Variants in ENO3 observed in about 807,000 individuals in gnomAD.
ENO3 encodes enolase 3, also known as beta-enolase.
In ENO3, 46 loss-of-function variants were observed where a neutral mutation model predicts 47.7. The ratio of observed to expected loss-of-function variants is 0.96; its 90% CI spans 0.76 to 1.23. The LOEUF (loss-of-function observed/expected upper bound fraction) is 1.23. Among genes scored for constraint, ENO3 ranks in the 50% most tolerant of loss-of-function variants. The pLI is 0.00. For missense variants in ENO3, 575 were observed against 566.2 expected (o/e 1.02, Z -0.16); for synonymous variants, 223 against 225.9 (o/e 0.99, Z 0.11).
At chr17:4,955,791 C>G in intron 8 of ENO3, 151 bp from the exon 9 acceptor site, 1 of 1,235,988 alleles carries the variant, frequency 8.1e-7, no homozygotes, top group South Asian at 1.2e-5. Context: ...AGCCGTGTCT[C>G]TGCCCTGTCT....
rs747956058 is a variant in ENO3 at position 4,953,346 on chromosome 17, G to A, written c.310+5G>A. On this transcript the variant is annotated splice_donor_5th_base_variant and intron_variant, in intron 5 of 11. Coordinates refer to ENST00000519602, the MANE Select transcript of ENO3 (RefSeq NM_053013.4). ...TAGATGGGACCGAGAATAAGTGTGA[G>A]TGAAGGGCTAGCGGTGGGGAAGGGA... 19 of 1,614,130 alleles carry A rather than the reference G, an allele frequency of 1.2e-5. No individual in the cohort carries two copies. The highest frequency in any genetic ancestry group is 5.0e-5 in the Admixed American group (3 of 60,012).
At position 4,952,208 on chromosome 17, in the gene ENO3, G is replaced by A. The variant is rs1396653191; in HGVS notation, c.85+294G>A. On this transcript the variant is annotated intron_variant, in intron 2 of 11. Transcript: ENST00000519602. ...TTGTTTTGTTTTGAGATGGAGTCTC[G>A]CTCTGTGGCCCGGGCTGGAGTGCAG... The A allele has an allele frequency of 1.5e-5, 7 of 462,820 alleles. 1 individual carries two copies. Among genetic ancestry groups the A allele is most frequent in the South Asian group, 5.3e-5 (3 of 56,216 alleles). The allele number at this position is 462,820 out of a possible 1,614,324, so 28.7% of individuals were successfully genotyped here.
intron 9 of ENO3, 100 bp downstream of exon 9, chr17:4,956,243 C>A: frequency 1.4e-6 from 2 of 1,386,366 alleles, no homozygotes; most frequent in Non-Finnish European, 2.0e-6. Flanking sequence ...GCTTACCTTT[C>A]CCCTGGCACC....
upstream of ENO3, among the ~76,000 whole-genome samples, chr17:4,949,745 G>C (rs1375741776): frequency 6.6e-6 from 1 of 152,162 alleles, no homozygotes; most frequent in Non-Finnish European, 1.5e-5. Flanking sequence ...GGCGGAAAGG[G>C]GGTTGGTTTT....
rs778229574 is a variant in ENO3, at chr17:4,955,180, A to G, written c.550A>G (p.Ile184Val). 17 of 1,614,080 alleles carry G rather than the reference A, an allele frequency of 1.1e-5. No individual in the cohort carries two copies. The Admixed American group carries it at 2.5e-4, about 24-fold the overall frequency. Reference sequence around the variant, plus strand: ...CAGCTCCTTCAAGGAAGCCATGCGCATTGGCGCCGAGGTCTACCACCACCT... The same window carrying G: ...CAGCTCCTTCAAGGAAGCCATGCGCGTTGGCGCCGAGGTCTACCACCACCT... Reference protein sequence around the residue: ...GASSFKEAMRIGAEVYHHLKG... With the variant: ...GASSFKEAMRVGAEVYHHLKG... Residue 184 changes from isoleucine to valine, a missense_variant, in exon 7 of 12, where the codon ATT becomes GTT. Ile to Val is a conservative substitution (Grantham distance 29). Transcript: ENST00000519602.
intron 9 of ENO3, chr17:4,956,352 C>T (rs920500931): frequency 3.0e-5 from 22 of 730,550 alleles, no homozygotes; most frequent in Admixed American, 8.8e-5. Flanking sequence ...CCCCCACCCC[C>T]AGCCCACACC....
Position 4,955,213 on chromosome 17 carries a change from GTCA to G in ENO3, c.587_589del (p.Ile196del), listed in dbSNP as rs768174180. The G allele has an allele frequency of 1.5e-5, 24 of 1,614,166 alleles. No homozygotes were observed. The highest frequency in any genetic ancestry group is 2.2e-5 in the East Asian group (1 of 44,902). On this transcript the variant is annotated inframe_deletion, in exon 7 of 12. Coordinates refer to ENST00000519602, the MANE Select transcript of ENO3 (RefSeq NM_053013.4). ...CGAGGTCTACCACCACCTCAAGGGG[GTCA>G]TCAAGGCCAAGTATGGGAAGGATGC...
chr17:4,955,784 C>T (rs1210118069), intron 8 of ENO3, 158 bp from the exon 9 acceptor site: 24 of 1,261,098 alleles, frequency 1.9e-5, no homozygotes, highest in South Asian at 3.6e-5. Context: ...GACCTCTAGC[C>T]GTGTCTCTGC....
rs116784739 is a variant in ENO3, at chr17:4,954,558, A to G, written c.445-517A>G. ...GCACATGCTAAGAACTTTACATTCA[A>G]TTTCTCTAATTTTCAGCAAAAGATC... On this transcript the variant is annotated intron_variant, in intron 6 of 11. Coordinates refer to ENST00000519602, the MANE Select transcript of ENO3 (RefSeq NM_053013.4). 3.5e-3 allele frequency among the ~76,000 whole-genome samples: 532 copies of G among 152,324 alleles called. 6 individuals are homozygous for G. The highest frequency in any genetic ancestry group is 0.012 in the African/African-American group (513 of 41,578).
At chr17:4,951,769 G>A in intron 1 of ENO3, 59 bp from the exon 2 acceptor site, 1 of 1,563,054 alleles carries the variant, frequency 6.4e-7, no homozygotes, top group Admixed American at 1.7e-5. Flanking sequence ...AAGGGCAAGG[G>A]ATTTCTGGTT....
intron 9 of ENO3, 55 bp from the exon 10 acceptor site, chr17:4,956,496 GGGAGAGGCCCCACCCAACCCCT>G: frequency 7.0e-7 from 1 of 1,436,098 alleles, no homozygotes; most frequent in South Asian, 1.1e-5. Flanking sequence ...CAAAACAGAA[GGGAGAGGCCCCACCCAACCCCT>G]GCTTTCCCAC....
upstream of ENO3, chr17:4,949,385 G>C (rs901583435): frequency 6.6e-6 from 1 of 152,364 alleles, no homozygotes; most frequent in Middle Eastern, 3.1e-3. Flanking sequence ...TCCCAGCCCC[G>C]CCCGCCCCAG....
upstream of ENO3, chr17:4,950,653 G>A (rs1157474443): frequency 1.0e-6 from 1 of 985,410 alleles, no homozygotes; most frequent in East Asian, 1.1e-4. Context: ...CGCCTTCTGG[G>A]GTGGGGGGTC....
At chr17:4,952,659 G>A (rs1057504155) in intron 2 of ENO3, 136 bp from the exon 3 acceptor site, 8 of 893,336 alleles carry the variant, frequency 9.0e-6, no homozygotes, top group East Asian at 5.3e-5. Flanking sequence ...AGACGGTTTC[G>A]CCATGTTAGC....
intron 8 of ENO3, 84 bp downstream of exon 8, chr17:4,955,688 T>G: frequency 6.4e-7 from 1 of 1,572,090 alleles, no homozygotes; most frequent in Non-Finnish European, 8.8e-7. Flanking sequence ...TGCTTTGCCA[T>G]CGACTTGGAT....
At chr17:4,951,784 A>G in intron 1 of ENO3, 44 bp from the exon 2 acceptor site, 3 of 1,594,630 alleles carry the variant, frequency 1.9e-6, no homozygotes, top group Non-Finnish European at 2.6e-6. Context: ...CTGGTTCCTT[A>G]AGAGATCAAC....
Sources: allele counts gnomAD v4.1 joint callset (sites outside exome capture counted in the v4.1 genomes callset), GRCh38; gene constraint gnomAD v4.1.1; transcripts MANE v1.5; gene names NCBI Gene and HGNC (gene_info 2026-07-23, HGNC 2026-07-21).